ITGA11: variants seen among roughly 807,000 people sequenced by gnomAD.
ITGA11 encodes the protein integrin alpha-11.
ITGA11 carries 97 observed loss-of-function variants against 141.9 expected under a neutral mutation model. That is an observed-to-expected ratio of 0.68 (90% CI 0.58 to 0.81). The LOEUF is 0.81. ITGA11 is among the 30% of genes least tolerant of loss of function. The probability of loss-of-function intolerance (pLI) is 0.00; values close to 1 mark genes in which losing one functional copy is unlikely to be tolerated. For synonymous variants in ITGA11, 658 were observed against 624.6 expected, an observed-to-expected ratio of 1.05 and a Z score of -0.80; for missense variants, 1,387 against 1,559.2, an observed-to-expected ratio of 0.89 and a Z score of 1.86.
At chr15:68,329,426 G>A (rs958496318) in intron 15 of ITGA11, among the ~76,000 whole-genome samples, 2 of 152,202 alleles carry the variant, frequency 1.3e-5, no homozygotes, top group African/African-American at 4.8e-5. Flanking sequence ...ATCCTAATGG[G>A]CAGTCATGTT....
At chr15:68,316,110 C>T (rs1893566352) in intron 21 of ITGA11, among the ~76,000 whole-genome samples, 1 of 152,224 alleles carries the variant, frequency 6.6e-6, no homozygotes, top group Non-Finnish European at 1.5e-5. Flanking sequence ...TGGCCATCGC[C>T]ATGCACCACA....
rs1209723477 is a variant in ITGA11 at position 68,333,895 on chromosome 15, C to G, written c.1426-1417G>C. The stretch of plus-strand genomic sequence containing the variant: ...GAGTTATTTCTCTTCTCCAAAGGCC[C>G]CAGGCCTTGGCTGGCTTCCAGGCTT... On this transcript the variant is annotated intron_variant, in intron 12 of 29. Transcript: ENST00000315757. This position sits in a 1 kb window ranked among gnomAD's most constrained non-coding sequence, Gnocchi z 4.2. 6.6e-6 allele frequency among the ~76,000 whole-genome samples: 1 copy of G among 152,230 alleles called. No homozygotes were observed. The highest frequency in any genetic ancestry group is 1.9e-4 in the East Asian group (1 of 5,198).
intron 1 of ITGA11, among the ~76,000 whole-genome samples, chr15:68,423,191 C>T (rs1285108954): frequency 6.6e-6 from 1 of 152,136 alleles, no homozygotes; most frequent in Non-Finnish European, 1.5e-5. Context: ...CAGATATGGT[C>T]CCTGTTCTCC....
chr15:68,410,592 G>T (rs747449682), intron 1 of ITGA11, among the ~76,000 whole-genome samples: 3 of 152,202 alleles, frequency 2.0e-5, no homozygotes, highest in African/African-American at 7.2e-5. Flanking sequence ...TGGCTGTTTC[G>T]TATCCTCTGC....
chr15:68,338,181 A>T (rs540354560), intron 11 of ITGA11, among the ~76,000 whole-genome samples: 7 of 152,182 alleles, frequency 4.6e-5, no homozygotes, highest in Admixed American at 4.6e-4. Context: ...ATAAAACACG[A>T]GTCATTCTAG....
At chr15:68,406,472 C>G (rs917337010) in intron 1 of ITGA11, among the ~76,000 whole-genome samples, 1 of 152,152 alleles carries the variant, frequency 6.6e-6, no homozygotes, top group African/African-American at 2.4e-5. Context: ...TCTTCCCATA[C>G]CTGCAAGGCT....
rs1446778614 is a variant in ITGA11 at position 68,339,572 on chromosome 15, T to C, written c.1204A>G (p.Lys402Glu). 20 of 1,613,832 alleles carry C rather than the reference T, an allele frequency of 1.2e-5. No individual in the cohort carries two copies. The Admixed American group carries it at 3.3e-4, about 27-fold the overall frequency. ...TAGGACTCGCGGAGAGGAATGACCTTCCCGGCACTCGTCTCCTTTAGCACA... is the reference window on the plus strand; with the variant it reads ...TAGGACTCGCGGAGAGGAATGACCTCCCCGGCACTCGTCTCCTTTAGCACA... ...GAVLKETSAG[K>E]VIPLRESYLK... is the part of the protein sequence containing the mutation. The change falls in exon 11 of 30, where the codon AAG becomes GAG. Residue 402 changes from lysine (K) to glutamate (E), a missense_variant. Lys to Glu is a moderately conservative substitution (Grantham distance 56). Transcript: ENST00000315757.
At chr15:68,387,848 C>T (rs939352877) in intron 2 of ITGA11, among the ~76,000 whole-genome samples, 1 of 152,126 alleles carries the variant, frequency 6.6e-6, no homozygotes, top group Admixed American at 6.6e-5. Context: ...GGACACAGCA[C>T]CTCCTCTGAC....
chr15:68,334,021 T>C (rs1441943486), intron 12 of ITGA11, among the ~76,000 whole-genome samples: 1 of 152,198 alleles, frequency 6.6e-6, no homozygotes, highest in Non-Finnish European at 1.5e-5. Context: ...TGTCACTTCC[T>C]GTTAGAAGCT....
rs1336378125 is a variant in ITGA11, at chr15:68,296,657, G to T, written c.*6402C>A. ...CTTGTTAGAAGTTCCTTAGAAGTTT[G>T]AGGACATTTTCTCTGTCATGTAATA... On this transcript the variant is annotated 3_prime_UTR_variant, in exon 30 of 30. Coordinates refer to ENST00000315757, the MANE Select transcript of ITGA11 (RefSeq NM_001004439.2). The T allele has an allele frequency of 3.9e-5, 6 of 152,040 alleles. No individual in the cohort carries two copies. The allele number at this position is 152,040 out of a possible 1,614,324, so 9.4% of individuals were successfully genotyped here. A position where few individuals can be genotyped will look rare whatever the true frequency, so the allele number is the denominator to read the frequency against.
Position 68,405,159 on chromosome 15 carries a change from CTTTTT to C in ITGA11, c.53-2135_53-2131del, listed in dbSNP as rs201537337. On this transcript the variant is annotated intron_variant, in intron 1 of 29. Transcript: ENST00000315757. ...ACAAGTTATTTTTCCCACTGTCTCC[CTTTTT>C]TTTTTTTTTTTGCTCAGCAAACACA... Among the ~76,000 whole-genome samples, 53 of 118,930 alleles carry C rather than the reference CTTTTT, an allele frequency of 4.5e-4. No individual in the cohort carries two copies. In the East Asian group the frequency reaches 0.013, roughly 30 times the overall value. 78.0% of individuals were successfully genotyped at this position (118,930 alleles called of 152,430 possible). A position where few individuals can be genotyped will look rare whatever the true frequency, so the allele number is the denominator to read the frequency against.
chr15:68,348,847 A>C lies in ITGA11; in HGVS notation c.1114T>G (p.Ser372Ala), dbSNP rs1256319086. 20 of 1,608,686 alleles carry C rather than the reference A, an allele frequency of 1.2e-5. No homozygotes were observed. Among genetic ancestry groups the C allele is most frequent in the Non-Finnish European group, 1.7e-5 (20 of 1,177,594 alleles). ...FGLEMSQTGF[S>A]SHVVEDGVLL... ...CCACATACCTCCACCACGTGCGAGGAAAAGCCCGTCTGTGACATCTCCAGC... is the reference window on the plus strand; with the variant it reads ...CCACATACCTCCACCACGTGCGAGGCAAAGCCCGTCTGTGACATCTCCAGC... The change falls in exon 10 of 30, where the codon TCC becomes GCC. Residue 372 changes from serine (S) to alanine (A), a missense_variant. Ser to Ala is a moderately conservative substitution (Grantham distance 99). Transcript: ENST00000315757.
intron 20 of ITGA11, among the ~76,000 whole-genome samples, chr15:68,319,613 A>G (rs59571285): frequency 0.15 from 22,124 of 152,226 alleles, 1,673 homozygotes; most frequent in Middle Eastern, 0.16. Flanking sequence ...AACCTGGGGA[A>G]GAACCGGTTC....
intron 1 of ITGA11, among the ~76,000 whole-genome samples, chr15:68,427,833 T>A (rs1897180300): frequency 6.6e-6 from 1 of 152,106 alleles, no homozygotes; most frequent in South Asian, 2.1e-4. Flanking sequence ...TGTGTGGGTG[T>A]CTTTGGAGCT....
intron 2 of ITGA11, among the ~76,000 whole-genome samples, chr15:68,401,742 G>T (rs1437017584): frequency 6.6e-6 from 1 of 152,244 alleles, no homozygotes; most frequent in South Asian, 2.1e-4. Context: ...AGCTGGAAAT[G>T]GTGGATATAT....
At chr15:68,356,250 C>CA (rs1270116449) in intron 7 of ITGA11, among the ~76,000 whole-genome samples, 5 of 151,858 alleles carry the variant, frequency 3.3e-5, no homozygotes, top group African/African-American at 1.2e-4. Flanking sequence ...CGCATGCCGC[C>CA]ATGCCCGGCT....
intron 2 of ITGA11, among the ~76,000 whole-genome samples, chr15:68,372,976 T>A (rs971812746): frequency 6.6e-6 from 1 of 152,236 alleles, no homozygotes; most frequent in Admixed American, 6.5e-5. Context: ...CCAATTTTAA[T>A]AAACTGTATA....
Position 68,303,150 on chromosome 15 carries a change from G to A in ITGA11, c.3496-20C>T. On this transcript the variant is annotated intron_variant, in intron 29 of 29. Transcript: ENST00000315757. This position sits in a 1 kb window ranked among gnomAD's most constrained non-coding sequence, Gnocchi z 5.3. ...GCCGAGCTGTGAGGAGGCAAAGGGA[G>A]ACGTCTCAGAGGAGGACAGGGTGGG... is the stretch of plus-strand genomic sequence containing the variant. 6.5e-7 allele frequency: 1 copy of A among 1,549,588 alleles called. No homozygotes were observed. Among genetic ancestry groups the A allele is most frequent in the Non-Finnish European group, 8.7e-7 (1 of 1,146,082 alleles).
chr15:68,332,548 C>T (rs1458643714), intron 12 of ITGA11, 70 bp from the exon 13 acceptor site: 70 of 1,528,586 alleles, frequency 4.6e-5, no homozygotes, highest in Middle Eastern at 1.7e-4. Context: ...CCTCGCCTCG[C>T]GGGCAGAGGG....
Sources: allele counts gnomAD v4.1 joint callset (sites outside exome capture counted in the v4.1 genomes callset), GRCh38; gene constraint gnomAD v4.1.1; non-coding constraint Gnocchi (gnomAD v3.1); transcripts MANE v1.5; gene names NCBI Gene and HGNC (gene_info 2026-07-23, HGNC 2026-07-21).